Variants in LRRC7 observed in about 807,000 individuals in gnomAD.
LRRC7 encodes the protein leucine-rich repeat-containing protein 7.
A neutral mutation model predicts 175.7 loss-of-function variants in LRRC7; 23 were observed. That is an observed-to-expected ratio of 0.13 (90% CI 0.09 to 0.19). The LOEUF (loss-of-function observed/expected upper bound fraction) is 0.19, where lower values mean the gene tolerates loss of function less well. LRRC7 is among the 10% of genes least tolerant of loss of function. The probability of loss-of-function intolerance (pLI) is 1.00; values close to 1 mark genes in which losing one functional copy is unlikely to be tolerated. For missense variants in LRRC7, 1,354 were observed against 1,904.7 expected, an observed-to-expected ratio of 0.71 and a Z score of 5.38; for synonymous variants, 685 against 680.9, an observed-to-expected ratio of 1.01 and a Z score of -0.09.
At chr1:69,969,233 G>A (rs900232625) in intron 8 of LRRC7, among the ~76,000 whole-genome samples, 11 of 152,076 alleles carry the variant, frequency 7.2e-5, no homozygotes, top group East Asian at 1.9e-4. Context: ...AAAAACCAAC[G>A]TATACAGGCA....
chr1:70,012,766 GA>G (rs1656628100), intron 12 of LRRC7, among the ~76,000 whole-genome samples: 1 of 150,796 alleles, frequency 6.6e-6, no homozygotes. Flanking sequence ...ATATGTAAAA[GA>G]AAATTTGGTA....
chr1:70,011,845 A>T lies in LRRC7; in HGVS notation c.1053A>T (p.Ser351=). Residue 351 remains serine (S), a synonymous_variant, in exon 12 of 27, where the codon TCA becomes TCT. Transcript: ENST00000651989. Reference sequence around the variant, plus strand: ...ACTGTAGCTGTAATGAACTGGAGTCACTACCTTCTACTATTGGCTACCTTC... The same window carrying T: ...ACTGTAGCTGTAATGAACTGGAGTCTCTACCTTCTACTATTGGCTACCTTC... ...EFDCSCNELE[S]LPSTIGYLHS... The T allele has an allele frequency of 6.3e-7, 1 of 1,581,106 alleles. No individual in the cohort carries two copies. The highest frequency in any genetic ancestry group is 8.7e-7 in the Non-Finnish European group (1 of 1,150,594).
At chr1:69,897,507 A>G (rs1255424841) in intron 7 of LRRC7, among the ~76,000 whole-genome samples, 3 of 152,124 alleles carry the variant, frequency 2.0e-5, no homozygotes, top group African/African-American at 7.2e-5. Context: ...TATTTCCATG[A>G]GGGCAGAGAC....
chr1:69,657,875 CA>C (rs1452846287), intron 1 of LRRC7, among the ~76,000 whole-genome samples: 1 of 151,848 alleles, frequency 6.6e-6, no homozygotes, highest in Non-Finnish European at 1.5e-5. Flanking sequence ...TTTCATAGAA[CA>C]TTTACCAGTG....
At chr1:69,622,917 G>C (rs1484025340) in intron 1 of LRRC7, among the ~76,000 whole-genome samples, 1 of 152,192 alleles carries the variant, frequency 6.6e-6, no homozygotes, top group Non-Finnish European at 1.5e-5. Context: ...CTACTCTTAA[G>C]AGATGATGGG....
intron 1 of LRRC7, among the ~76,000 whole-genome samples, chr1:69,579,916 G>C (rs966054559): frequency 2.6e-5 from 4 of 151,022 alleles, no homozygotes; most frequent in South Asian, 2.1e-4. Context: ...TTACAGGTGT[G>C]AGCCACTGCA....
chr1:70,028,484 A>G (rs1388427088), intron 18 of LRRC7, 113 bp downstream of exon 18: 1 of 902,968 alleles, frequency 1.1e-6, no homozygotes, highest in Non-Finnish European at 1.7e-6. Context: ...CCTAAAATAT[A>G]AATGATCTCT....
At chr1:69,783,317 T>C (rs1673988269) in intron 3 of LRRC7, among the ~76,000 whole-genome samples, 1 of 152,202 alleles carries the variant, frequency 6.6e-6, no homozygotes, top group African/African-American at 2.4e-5. Context: ...AGAATTCTGG[T>C]GACCCAGCTA....
chr1:70,048,364 G>A (rs1660494718), intron 22 of LRRC7, among the ~76,000 whole-genome samples: 1 of 152,006 alleles, frequency 6.6e-6, no homozygotes, highest in Non-Finnish European at 1.5e-5. Flanking sequence ...AGGAAACTGA[G>A]GCTCATGTGT....
chr1:69,734,005 T>C (rs1385332625), intron 2 of LRRC7, among the ~76,000 whole-genome samples: 1 of 151,996 alleles, frequency 6.6e-6, no homozygotes, highest in African/African-American at 2.4e-5. Context: ...TTATTTGTAA[T>C]AAGAAACCTC....
intron 13 of LRRC7, among the ~76,000 whole-genome samples, chr1:70,016,162 C>T (rs887202000): frequency 2.0e-4 from 31 of 152,152 alleles, no homozygotes; most frequent in Admixed American, 6.6e-5. Flanking sequence ...GCCAGTTGTC[C>T]TGACGGGACT....
chr1:70,023,585 A>G (rs1657752623), intron 17 of LRRC7, among the ~76,000 whole-genome samples: 1 of 151,638 alleles, frequency 6.6e-6, no homozygotes, highest in East Asian at 1.9e-4. Context: ...GGGAATATCA[A>G]TGTGAGGTGC....
At chr1:69,996,051 C>T (rs1324274698) in intron 11 of LRRC7, among the ~76,000 whole-genome samples, 1 of 150,592 alleles carries the variant, frequency 6.6e-6, no homozygotes, top group East Asian at 1.9e-4. Flanking sequence ...TTCTCCACAT[C>T]CTCTCCAGCA....
intron 2 of LRRC7, among the ~76,000 whole-genome samples, chr1:69,699,212 G>A (rs1457915282): frequency 6.6e-6 from 1 of 152,174 alleles, no homozygotes; most frequent in Non-Finnish European, 1.5e-5. Context: ...CTGAGAGAAA[G>A]TTCAAACTAC....
chr1:69,909,447 G>C (rs916224770), intron 7 of LRRC7, among the ~76,000 whole-genome samples: 107 of 152,166 alleles, frequency 7.0e-4, no homozygotes, highest in African/African-American at 2.5e-3. Flanking sequence ...CCTTCAGGAG[G>C]TCTTTTAGGG....
intron 4 of LRRC7, among the ~76,000 whole-genome samples, chr1:69,800,201 C>T (rs1037913053): frequency 1.3e-5 from 2 of 151,896 alleles, no homozygotes; most frequent in African/African-American, 2.4e-5. Flanking sequence ...GTTCTTTCTG[C>T]TCAGAAATGT....
chr1:69,991,446 T>A (rs1654429338), intron 10 of LRRC7, among the ~76,000 whole-genome samples: 1 of 152,192 alleles, frequency 6.6e-6, no homozygotes, highest in South Asian at 2.1e-4. Context: ...TGGACCTTAT[T>A]GACCTGTCAG....
intron 1 of LRRC7, among the ~76,000 whole-genome samples, chr1:69,622,849 A>G (rs544830450): frequency 2.6e-5 from 4 of 152,308 alleles, no homozygotes; most frequent in Non-Finnish European, 5.9e-5. Flanking sequence ...TGGCAAATGA[A>G]AACTCAAGTT....
intron 7 of LRRC7, among the ~76,000 whole-genome samples, chr1:69,912,869 T>C (rs1040686651): frequency 6.6e-6 from 1 of 152,222 alleles, no homozygotes; most frequent in Non-Finnish European, 1.5e-5. Context: ...TACAACTTAA[T>C]CTTTCTGTTT....
Sources: gnomAD v4.1 joint callset for allele counts (sites outside exome capture counted in the v4.1 genomes callset) on GRCh38, gnomAD v4.1.1 for gene constraint, MANE v1.5 for transcripts, NCBI Gene and HGNC (gene_info 2026-07-23, HGNC 2026-07-21) for gene names.